Variants in ACAA2 observed in about 807,000 individuals in gnomAD.
ACAA2 encodes the protein 3-ketoacyl-CoA thiolase, mitochondrial.
A neutral mutation model predicts 44.8 loss-of-function variants in ACAA2; 35 were observed. That is an observed-to-expected ratio of 0.78 (90% CI 0.60 to 1.04). The LOEUF is 1.04. Among genes scored for constraint, ACAA2 ranks in the 50% least tolerant of loss-of-function variants. The pLI is 0.00. For missense variants in ACAA2, 468 were observed against 482.6 expected (o/e 0.97, Z 0.28); for synonymous variants, 142 against 166.5 (o/e 0.85, Z 1.13).
intron 2 of ACAA2, among the ~76,000 whole-genome samples, chr18:49,802,436 C>A (rs1247166826): frequency 6.6e-6 from 1 of 151,938 alleles, no homozygotes; most frequent in African/African-American, 2.4e-5. Flanking sequence ...GTGGCACACG[C>A]CTGTAATCCC....
chr18:49,801,163 T>C (rs1335934332), intron 2 of ACAA2, among the ~76,000 whole-genome samples: 1 of 152,224 alleles, frequency 6.6e-6, no homozygotes, highest in Non-Finnish European at 1.5e-5. Context: ...TTTGTGGTAT[T>C]TGTCAAATGT....
At chr18:49,802,539 CG>C in intron 2 of ACAA2, 147 bp downstream of exon 2, 1 of 686,972 alleles carries the variant, frequency 1.5e-6, no homozygotes, top group Non-Finnish European at 2.1e-6. Context: ...TCCAGCCTGG[CG>C]GCAGAGCGAG....
chr18:49,806,472 G>A (rs2023611188), intron 1 of ACAA2, among the ~76,000 whole-genome samples: 1 of 152,102 alleles, frequency 6.6e-6, no homozygotes, highest in South Asian at 2.1e-4. Context: ...GGGTGCATGG[G>A]GGTGATTTTG....
chr18:49,810,781 G>A (rs899457390), intron 1 of ACAA2, among the ~76,000 whole-genome samples: 6 of 151,494 alleles, frequency 4.0e-5, no homozygotes, highest in Non-Finnish European at 8.8e-5. Context: ...TCAACCTCCT[G>A]GGCTCAAGCA....
chr18:49,798,697 T>C (rs2023493323), intron 2 of ACAA2, among the ~76,000 whole-genome samples: 1 of 152,152 alleles, frequency 6.6e-6, no homozygotes, highest in African/African-American at 2.4e-5. Context: ...TGAATGCAGA[T>C]GGAACTGGGA....
chr18:49,794,465 T>C (rs375840630), intron 4 of ACAA2, 38 bp from the exon 5 acceptor site: 5 of 1,448,774 alleles, frequency 3.5e-6, no homozygotes, highest in Non-Finnish European at 3.6e-6. Flanking sequence ...TGTTAAGGCA[T>C]TTCCTTTTAA....
chr18:49,799,893 G>A (rs376817738), intron 2 of ACAA2, among the ~76,000 whole-genome samples: 16 of 136,302 alleles, frequency 1.2e-4, no homozygotes, highest in East Asian at 2.3e-4. Context: ...GGTGAGGAGC[G>A]TCTCTGCCCG....
At chr18:49,799,326 T>C (rs964114979) in intron 2 of ACAA2, among the ~76,000 whole-genome samples, 13 of 149,528 alleles carry the variant, frequency 8.7e-5, no homozygotes, top group African/African-American at 2.2e-4. Context: ...CTGATTCTCC[T>C]GCCTCAGCCT....
At chr18:49,811,605 G>A (rs1450310516) in intron 1 of ACAA2, 1 of 152,122 alleles carries the variant, frequency 6.6e-6, no homozygotes, top group Non-Finnish European at 1.5e-5. Flanking sequence ...TCAGTCACAT[G>A]CTCTTCTTTC....
chr18:49,790,061 G>T (rs1281882901), intron 7 of ACAA2, among the ~76,000 whole-genome samples: 1 of 152,126 alleles, frequency 6.6e-6, no homozygotes, highest in Non-Finnish European at 1.5e-5. Flanking sequence ...ATCTGAGGTT[G>T]GGAACCACTA....
chr18:49,796,687 T>A (rs1050444062), intron 3 of ACAA2, among the ~76,000 whole-genome samples: 1 of 152,036 alleles, frequency 6.6e-6, no homozygotes, highest in African/African-American at 2.4e-5. Flanking sequence ...CATTTCCTTA[T>A]CCTCTCCTAA....
chr18:49,795,455 A>C (rs1339773668), intron 4 of ACAA2, among the ~76,000 whole-genome samples: 1 of 152,164 alleles, frequency 6.6e-6, no homozygotes, highest in East Asian at 1.9e-4. Context: ...TCTTTTGTCT[A>C]TCTTTTTAAT....
intron 2 of ACAA2, among the ~76,000 whole-genome samples, chr18:49,800,325 G>A (rs1380552511): frequency 5.4e-5 from 8 of 149,396 alleles, no homozygotes; most frequent in South Asian, 2.1e-4. Flanking sequence ...GGTGAGGGGC[G>A]CCTCTGCCCG....
chr18:49,782,677 T>C lies in ACAA2; in HGVS notation c.*1170A>G, dbSNP rs534415347. ...TCCTGGCTAACACGGTGAAACCCCATCTCTACTAAAAATACAAAAAATTAG... is the reference window on the plus strand; with the variant it reads ...TCCTGGCTAACACGGTGAAACCCCACCTCTACTAAAAATACAAAAAATTAG... On this transcript the variant is annotated 3_prime_UTR_variant, in exon 10 of 10. Coordinates refer to ENST00000285093, the MANE Select transcript of ACAA2 (RefSeq NM_006111.3). 8.6e-5 allele frequency: 13 copies of C among 151,646 alleles called. No individual in the cohort carries two copies. The East Asian group carries it at 2.5e-3, about 29-fold the overall frequency. The allele number at this position is 151,646 out of a possible 1,614,324, so 9.4% of individuals were successfully genotyped here.
intron 8 of ACAA2, 31 bp downstream of exon 8, chr18:49,787,260 T>TAAAAA (rs35932656): frequency 0.013 from 13,414 of 1,011,302 alleles, 146 homozygotes; most frequent in African/African-American, 0.028. Flanking sequence ...TTCATGTTGT[T>TAAAAA]AAAAAAAAAA....
intron 1 of ACAA2, 107 bp from the exon 2 acceptor site, chr18:49,802,960 G>T: frequency 7.6e-7 from 1 of 1,324,370 alleles, no homozygotes; most frequent in Non-Finnish European, 1.1e-6. Flanking sequence ...ATTAGATAAT[G>T]GAAATTTCTG....
intron 7 of ACAA2, among the ~76,000 whole-genome samples, chr18:49,788,234 T>C (rs17726716): frequency 0.2 from 30,889 of 152,146 alleles, 3,526 homozygotes; most frequent in East Asian, 0.43. Flanking sequence ...TCTCGACTTG[T>C]TCTTAAAGAA....
chr18:49,797,889 C>A (rs1318390791), intron 2 of ACAA2, among the ~76,000 whole-genome samples: 1 of 151,998 alleles, frequency 6.6e-6, no homozygotes, highest in Non-Finnish European at 1.5e-5. Context: ...TATTTAAATA[C>A]ATTCATAATG....
intron 1 of ACAA2, among the ~76,000 whole-genome samples, chr18:49,804,692 A>G (rs748855725): frequency 6.6e-6 from 1 of 152,262 alleles, no homozygotes; most frequent in Non-Finnish European, 1.5e-5. Context: ...AATTATCTAT[A>G]CATCTACTAA....
Sources: allele counts gnomAD v4.1 joint callset (sites outside exome capture counted in the v4.1 genomes callset), GRCh38; gene constraint gnomAD v4.1.1; transcripts MANE v1.5; gene names NCBI Gene and HGNC (gene_info 2026-07-23, HGNC 2026-07-21).